The following STT3B variants were observed in gnomAD, a reference collection of about 807,000 sequenced individuals.
STT3B encodes dolichyl-diphosphooligosaccharide--protein glycosyltransferase subunit STT3B.
Under a neutral mutation model 96.8 loss-of-function variants are expected in STT3B, and 29 were observed. The ratio of observed to expected loss-of-function variants is 0.30; its 90% confidence interval spans 0.22 to 0.41. The LOEUF (loss-of-function observed/expected upper bound fraction) is 0.41, where lower values mean the gene tolerates loss of function less well. Among genes scored for constraint, STT3B ranks in the 10% least tolerant of loss-of-function variants. The probability of loss-of-function intolerance (pLI) is 1.00; values close to 1 mark genes in which losing one functional copy is unlikely to be tolerated. For synonymous variants in STT3B, 367 were observed against 360.0 expected, an observed-to-expected ratio of 1.02 and a Z score of -0.22; for missense variants, 640 against 1,022.3, an observed-to-expected ratio of 0.63 and a Z score of 5.10.
At chr3:31,600,141 G>T (rs537421367) in intron 4 of STT3B, among the ~76,000 whole-genome samples, 42 of 151,980 alleles carry the variant, frequency 2.8e-4, no homozygotes, top group Non-Finnish European at 4.7e-4. Context: ...TCTCCAGTGC[G>T]TTTGGAAAAG....
intron 3 of STT3B, among the ~76,000 whole-genome samples, chr3:31,586,416 C>CT (rs1278035438): frequency 4.0e-5 from 6 of 151,752 alleles, no homozygotes; most frequent in Non-Finnish European, 5.9e-5. Context: ...AATGTATCAG[C>CT]TTTTTTTTCA....
Position 31,636,594 on chromosome 3 carries a change from A to G in STT3B, c.*530A>G, listed in dbSNP as rs568556542. 6.6e-6 allele frequency: 1 copy of G among 152,322 alleles called. No homozygotes were observed. The highest frequency in any genetic ancestry group is 6.5e-5 in the Admixed American group (1 of 15,292). The allele number at this position is 152,322 out of a possible 1,614,324, so 9.4% of individuals were successfully genotyped here. On this transcript the variant is annotated 3_prime_UTR_variant, in exon 16 of 16. Coordinates refer to ENST00000295770, the MANE Select transcript of STT3B (RefSeq NM_178862.3). ...TTTTCATGTTTCTCTAATGCAAAGA[A>G]TGTTTCATCAAATGTATATTTTCTG...
intron 1 of STT3B, among the ~76,000 whole-genome samples, chr3:31,548,371 A>C (rs1460550905): frequency 6.6e-6 from 1 of 152,162 alleles, no homozygotes; most frequent in Admixed American, 6.5e-5. Context: ...GGAGAAAAAA[A>C]CAGCCATTTT....
intron 5 of STT3B, among the ~76,000 whole-genome samples, chr3:31,610,101 T>C (rs534770106): frequency 1.3e-5 from 2 of 152,346 alleles, no homozygotes; most frequent in East Asian, 3.9e-4. Context: ...ATCAGTGTTT[T>C]GTGTTTTTTT....
intron 4 of STT3B, among the ~76,000 whole-genome samples, chr3:31,599,396 A>G (rs929234080): frequency 4.6e-5 from 7 of 152,222 alleles, no homozygotes; most frequent in Non-Finnish European, 8.8e-5. Flanking sequence ...TAAAGTAATC[A>G]GAAGTCTTTC....
intron 3 of STT3B, among the ~76,000 whole-genome samples, chr3:31,585,853 A>G (rs184789912): frequency 1.3e-5 from 2 of 152,230 alleles, no homozygotes; most frequent in Admixed American, 6.5e-5. Flanking sequence ...ACTCCATTAT[A>G]TGGATGTACT....
chr3:31,618,108 C>G, intron 8 of STT3B, 120 bp downstream of exon 8: 2 of 725,650 alleles, frequency 2.8e-6, no homozygotes, highest in Non-Finnish European at 4.9e-6. Context: ...ACCAAAGATG[C>G]TAGTTTAGTA....
rs564989915 is a variant in STT3B, at chr3:31,551,692, G to T, written c.314+18380G>T. 2.0e-5 allele frequency among the ~76,000 whole-genome samples: 3 copies of T among 152,278 alleles called. No homozygotes were observed. The East Asian group carries it at 5.8e-4, about 29-fold the overall frequency. ...TGGCTTTGTAAATCTTTACAGAAAG[G>T]GTTATTTTCAAGAGAGCCTGTTAAT... On this transcript the variant is annotated intron_variant, in intron 1 of 15. Transcript: ENST00000295770.
At chr3:31,578,901 G>A (rs985144908) in intron 2 of STT3B, among the ~76,000 whole-genome samples, 1 of 152,152 alleles carries the variant, frequency 6.6e-6, no homozygotes, top group Admixed American at 6.6e-5. Context: ...AGACGGGAGT[G>A]TGGGGGAGAG....
At chr3:31,555,647 T>C (rs1320007622) in intron 1 of STT3B, among the ~76,000 whole-genome samples, 1 of 152,142 alleles carries the variant, frequency 6.6e-6, no homozygotes, top group African/African-American at 2.4e-5. Context: ...TGTCTTGTTC[T>C]TTAGTCTTTT....
In STT3B at chr3:31,612,124, G is replaced by C. The variant is rs552926448; in HGVS notation, c.878-2981G>C. 4.6e-5 allele frequency among the ~76,000 whole-genome samples: 7 copies of C among 152,200 alleles called. No homozygotes were observed. The South Asian group carries it at 1.5e-3, about 32-fold the overall frequency. The stretch of plus-strand genomic sequence containing the variant: ...TATTCACTGGAGCGTTTCCTGTTTT[G>C]CATTACCAGTTTGGGTATGCTCAGC... On this transcript the variant is annotated intron_variant, in intron 5 of 15. Coordinates refer to ENST00000295770, the MANE Select transcript of STT3B (RefSeq NM_178862.3).
intron 9 of STT3B, among the ~76,000 whole-genome samples, chr3:31,621,548 C>T (rs1321658327): frequency 1.3e-5 from 2 of 152,206 alleles, no homozygotes; most frequent in East Asian, 3.8e-4. Flanking sequence ...AGAGTCTTTT[C>T]CTGTGGTTAG....
intron 4 of STT3B, among the ~76,000 whole-genome samples, chr3:31,597,167 T>G (rs1045162799): frequency 4.6e-5 from 7 of 152,114 alleles, no homozygotes; most frequent in Non-Finnish European, 1.0e-4. Flanking sequence ...CATTATTTAT[T>G]TATTTATTTT....
At chr3:31,606,891 C>A (rs1699066227) in intron 5 of STT3B, among the ~76,000 whole-genome samples, 1 of 152,160 alleles carries the variant, frequency 6.6e-6, no homozygotes, top group South Asian at 2.1e-4. Context: ...GAGGCTGTAC[C>A]CTGTAAAGCC....
At chr3:31,539,601 C>CT (rs1697205371) in intron 1 of STT3B, among the ~76,000 whole-genome samples, 1 of 152,090 alleles carries the variant, frequency 6.6e-6, no homozygotes, top group Admixed American at 6.5e-5. Context: ...AAATACTGGT[C>CT]TATCAGAATA....
chr3:31,559,312 ATT>A (rs1229318404), intron 1 of STT3B, among the ~76,000 whole-genome samples: 1 of 126,228 alleles, frequency 7.9e-6, no homozygotes, highest in Admixed American at 7.7e-5. Context: ...GAGTCTTTGT[ATT>A]TTTTTTTTTA....
At chr3:31,566,484 A>G (rs535423464) in intron 1 of STT3B, among the ~76,000 whole-genome samples, 7 of 152,328 alleles carry the variant, frequency 4.6e-5, no homozygotes, top group Admixed American at 3.9e-4. Context: ...TTTTAAAACA[A>G]TAATTGTGCA....
At chr3:31,543,207 GTTTA>G (rs1697323390) in intron 1 of STT3B, among the ~76,000 whole-genome samples, 1 of 152,074 alleles carries the variant, frequency 6.6e-6, no homozygotes, top group African/African-American at 2.4e-5. Flanking sequence ...ACTTAGGACT[GTTTA>G]TTTGGCTAAC....
In STT3B at chr3:31,608,120, A is replaced by G. The variant is rs1049561054; in HGVS notation, c.878-6985A>G. Among the ~76,000 whole-genome samples the G allele has an allele frequency of 3.9e-5, 6 of 152,338 alleles. No homozygotes were observed. The East Asian group carries it at 9.6e-4, about 24-fold the overall frequency. On this transcript the variant is annotated intron_variant, in intron 5 of 15. Transcript: ENST00000295770. ...CTACAGATGCAATATTATTATTTGC[A>G]TTAATTGTTTTGCCTTTACTGTTTA...
Sources: allele counts gnomAD v4.1 joint callset (sites outside exome capture counted in the v4.1 genomes callset), GRCh38; gene constraint gnomAD v4.1.1; transcripts MANE v1.5; gene names NCBI Gene and HGNC (gene_info 2026-07-23, HGNC 2026-07-21).